UNC5D: variants seen among roughly 807,000 people sequenced by gnomAD.
The protein encoded by UNC5D is netrin receptor UNC5D.
UNC5D carries 39 observed loss-of-function variants against 105.4 expected under a neutral mutation model. That is an observed-to-expected ratio of 0.37 (90% CI 0.29 to 0.48). The LOEUF (loss-of-function observed/expected upper bound fraction) is 0.48, where lower values mean the gene tolerates loss of function less well. UNC5D is among the 20% of genes least tolerant of loss of function. The pLI, the probability that UNC5D is intolerant of heterozygous loss-of-function variation, is 0.98. For missense variants in UNC5D, 991 were observed against 1,202.4 expected, an observed-to-expected ratio of 0.82 and a Z score of 2.60; for synonymous variants, 452 against 450.4, an observed-to-expected ratio of 1.00 and a Z score of -0.04.
At chr8:35,355,962 A>T (rs564206514) in intron 1 of UNC5D, among the ~76,000 whole-genome samples, 1 of 152,218 alleles carries the variant, frequency 6.6e-6, no homozygotes, top group Admixed American at 6.5e-5. Flanking sequence ...CCCAGCCTTC[A>T]GGCTAGAGTG....
intron 1 of UNC5D, among the ~76,000 whole-genome samples, chr8:35,395,463 A>G (rs1337282890): frequency 6.6e-6 from 1 of 152,200 alleles, no homozygotes; most frequent in African/African-American, 2.4e-5. Context: ...AGTGGGGTGG[A>G]GTCAGTGTTA....
chr8:35,686,746 A>T, intron 7 of UNC5D, 37 bp downstream of exon 7: 1 of 1,521,330 alleles, frequency 6.6e-7, no homozygotes, highest in African/African-American at 1.4e-5. Context: ...GTGTTTGTTC[A>T]TAATACCATT....
At chr8:35,644,194 G>C (rs1449636208) in intron 4 of UNC5D, among the ~76,000 whole-genome samples, 1 of 152,142 alleles carries the variant, frequency 6.6e-6, no homozygotes, top group African/African-American at 2.4e-5. Context: ...CTTATATAGA[G>C]TTAGGGTTTT....
chr8:35,464,995 G>GA (rs1256831474), intron 1 of UNC5D, among the ~76,000 whole-genome samples: 1 of 152,144 alleles, frequency 6.6e-6, no homozygotes, highest in Non-Finnish European at 1.5e-5. Flanking sequence ...TCACCACCTG[G>GA]ATAGTGATGG....
At chr8:35,538,011 G>A (rs1563513361) in intron 1 of UNC5D, among the ~76,000 whole-genome samples, 1 of 152,078 alleles carries the variant, frequency 6.6e-6, no homozygotes, top group African/African-American at 2.4e-5. Flanking sequence ...TGATATCCAT[G>A]AATAGTTACA....
chr8:35,251,037 T>C (rs1803662214), intron 1 of UNC5D, among the ~76,000 whole-genome samples: 1 of 152,182 alleles, frequency 6.6e-6, no homozygotes. Flanking sequence ...AAGAAGTTAT[T>C]TGAAGATTCC....
chr8:35,264,592 T>G (rs1035809539), intron 1 of UNC5D, among the ~76,000 whole-genome samples: 16 of 152,048 alleles, frequency 1.1e-4, no homozygotes, highest in African/African-American at 3.9e-4. Flanking sequence ...TAGCCAGGTG[T>G]GGTGGCAGGT....
chr8:35,713,856 G>C (rs747556295), intron 8 of UNC5D, among the ~76,000 whole-genome samples: 1 of 152,038 alleles, frequency 6.6e-6, no homozygotes, highest in African/African-American at 2.4e-5. Context: ...TTTGACCAAA[G>C]AATAGGGTTC....
At chr8:35,623,148 G>A (rs951093283) in intron 4 of UNC5D, among the ~76,000 whole-genome samples, 1 of 152,088 alleles carries the variant, frequency 6.6e-6, no homozygotes, top group East Asian at 1.9e-4. Flanking sequence ...CTCTCGGATG[G>A]TAATTTCTTC....
intron 8 of UNC5D, among the ~76,000 whole-genome samples, chr8:35,718,549 G>A (rs1388798752): frequency 6.6e-6 from 1 of 152,158 alleles, no homozygotes; most frequent in African/African-American, 2.4e-5. Flanking sequence ...AAGTTTCCCT[G>A]GGAAGTTATA....
intron 1 of UNC5D, among the ~76,000 whole-genome samples, chr8:35,379,880 A>G (rs1486112446): frequency 6.6e-6 from 1 of 152,010 alleles, no homozygotes; most frequent in African/African-American, 2.4e-5. Context: ...CATTTATATT[A>G]TATACTCACA....
At chr8:35,558,387 C>G (rs1172942912) in intron 2 of UNC5D, among the ~76,000 whole-genome samples, 2 of 151,904 alleles carry the variant, frequency 1.3e-5, no homozygotes, top group Non-Finnish European at 2.9e-5. Flanking sequence ...AGATAAAAGA[C>G]CAAAATGCCT....
chr8:35,520,608 T>C (rs896012158), intron 1 of UNC5D, among the ~76,000 whole-genome samples: 3 of 152,178 alleles, frequency 2.0e-5, no homozygotes, highest in Non-Finnish European at 4.4e-5. Context: ...GAAGAATGTA[T>C]GTATTCTGCT....
chr8:35,553,594 CT>C (rs1158414851), intron 2 of UNC5D, among the ~76,000 whole-genome samples: 1 of 152,146 alleles, frequency 6.6e-6, no homozygotes. Flanking sequence ...CAGTTTTCTT[CT>C]GTGTAGTTAA....
intron 8 of UNC5D, among the ~76,000 whole-genome samples, chr8:35,709,712 ATAAGT>A (rs1827819372): frequency 6.6e-6 from 1 of 152,138 alleles, no homozygotes; most frequent in Non-Finnish European, 1.5e-5. Context: ...ATAAAATAAA[ATAAGT>A]TATGTTTAAG....
intron 1 of UNC5D, chr8:35,544,354 G>T: frequency 6.4e-7 from 1 of 1,572,648 alleles, no homozygotes; most frequent in Non-Finnish European, 8.6e-7. Context: ...AGTGAGGAAC[G>T]TTTTCTGCCA....
intron 3 of UNC5D, among the ~76,000 whole-genome samples, chr8:35,592,004 C>T (rs780793358): frequency 1.3e-5 from 2 of 152,146 alleles, no homozygotes; most frequent in East Asian, 3.9e-4. Flanking sequence ...CTTAATCTTC[C>T]AATTTCATTA....
intron 1 of UNC5D, among the ~76,000 whole-genome samples, chr8:35,480,026 G>T (rs1810373561): frequency 6.6e-6 from 1 of 152,142 alleles, no homozygotes; most frequent in Non-Finnish European, 1.5e-5. Flanking sequence ...TGTTTCCAAT[G>T]GCAGTCCCTA....
intron 6 of UNC5D, 28 bp from the exon 7 acceptor site, chr8:35,686,517 C>A: frequency 1.3e-6 from 2 of 1,532,806 alleles, no homozygotes; most frequent in African/African-American, 1.4e-5. Context: ...TTCATTCTAA[C>A]AATGGTTTCT....
Sources: allele counts gnomAD v4.1 joint callset (sites outside exome capture counted in the v4.1 genomes callset), GRCh38; gene constraint gnomAD v4.1.1; transcripts MANE v1.5; gene names NCBI Gene and HGNC (gene_info 2026-07-23, HGNC 2026-07-21).